Variants in MED30 observed in about 807,000 individuals in gnomAD.
MED30 encodes mediator complex subunit 30.
In MED30, 8 loss-of-function variants were observed where a neutral mutation model predicts 21.7. The observed-to-expected ratio is 0.37, with a 90% CI of 0.22 to 0.67. The LOEUF is 0.67. Among genes scored for constraint, MED30 ranks in the 30% least tolerant of loss-of-function variants. The pLI, the probability that MED30 is intolerant of heterozygous loss-of-function variation, is 0.58. For synonymous variants in MED30, 79 were observed against 86.7 expected, an observed-to-expected ratio of 0.91 and a Z score of 0.49; for missense variants, 203 against 228.2, an observed-to-expected ratio of 0.89 and a Z score of 0.71.
At chr8:117,525,486 G>A (rs201810195) in intron 1 of MED30, among the ~76,000 whole-genome samples, 1 of 151,178 alleles carries the variant, frequency 6.6e-6, no homozygotes, top group South Asian at 2.1e-4. Flanking sequence ...TGGTAGTTTT[G>A]CCATGCATTT....
In MED30 at chr8:117,521,310, C is replaced by G. The variant is rs564809261; in HGVS notation, c.177+257C>G. Among the ~76,000 whole-genome samples, 8 of 152,176 alleles carry G rather than the reference C, an allele frequency of 5.3e-5. 1 individual carries two copies. The South Asian group carries it at 1.7e-3, about 32-fold the overall frequency. On this transcript the variant is annotated intron_variant, in intron 1 of 3. Transcript: ENST00000297347. ...GAGCTCTTTAGTTACTCTGTAAACT[C>G]TTGCACCTTTCAAGGCAGAGATGGG...
At chr8:117,532,841 A>G (rs1818809963) in intron 3 of MED30, among the ~76,000 whole-genome samples, 1 of 152,024 alleles carries the variant, frequency 6.6e-6, no homozygotes, top group African/African-American at 2.4e-5. Flanking sequence ...GGAGAATGGG[A>G]ACTTTTAGTT....
rs537135384 is a variant in MED30, at chr8:117,528,827, A to G, written c.336+18A>G. The G allele has an allele frequency of 2.0e-5, 32 of 1,579,924 alleles. No individual in the cohort carries two copies. Among genetic ancestry groups the G allele is most frequent in the Middle Eastern group, 1.7e-4 (1 of 5,902 alleles). ...CAGTCGAGGTAATTTTTTGTGATAG[A>G]GGGAGGATGAATATAAGGTGTGAAC... On this transcript the variant is annotated intron_variant, in intron 2 of 3. Coordinates refer to ENST00000297347, the MANE Select transcript of MED30 (RefSeq NM_080651.4).
At chr8:117,534,868 T>TTTTTTTTA (rs1554634554) in intron 3 of MED30, among the ~76,000 whole-genome samples, 10 of 150,088 alleles carry the variant, frequency 6.7e-5, no homozygotes, top group Non-Finnish European at 1.2e-4. Flanking sequence ...TTTTTTTTTT[T>TTTTTTTTA]ACCAAAAGGG....
intron 3 of MED30, among the ~76,000 whole-genome samples, chr8:117,534,514 G>A (rs1025747381): frequency 1.4e-5 from 2 of 143,310 alleles, no homozygotes; most frequent in Non-Finnish European, 3.2e-5. Context: ...TAGTTAACGT[G>A]ATATCAAACT....
chr8:117,524,612 T>G (rs1212922812), intron 1 of MED30, among the ~76,000 whole-genome samples: 3 of 152,184 alleles, frequency 2.0e-5, no homozygotes, highest in African/African-American at 7.2e-5. Flanking sequence ...GAATCTTTAA[T>G]TTTTAAAATA....
intron 3 of MED30, among the ~76,000 whole-genome samples, chr8:117,534,862 T>TTTTTTTA (rs1262255002): frequency 6.6e-6 from 1 of 151,144 alleles, no homozygotes; most frequent in Non-Finnish European, 1.5e-5. Flanking sequence ...TTTTTTTTTT[T>TTTTTTTA]TTTTTTACCA....
At chr8:117,525,827 G>T (rs1480514776) in intron 1 of MED30, among the ~76,000 whole-genome samples, 1 of 151,968 alleles carries the variant, frequency 6.6e-6, no homozygotes, top group African/African-American at 2.4e-5. Flanking sequence ...CTTTTAATTT[G>T]TCAGGATCTA....
Position 117,536,265 on chromosome 8 carries a change from T to C in MED30, c.442-3618T>C, listed in dbSNP as rs747302719. ...TACCCATTTCATGTTTTGATGAATA[T>C]TTACAGAAACAAAAGTATTGTGCCA... is the stretch of plus-strand genomic sequence containing the variant. On this transcript the variant is annotated intron_variant, in intron 3 of 3. Coordinates refer to ENST00000297347, the MANE Select transcript of MED30 (RefSeq NM_080651.4). 1.2e-4 allele frequency among the ~76,000 whole-genome samples: 19 copies of C among 152,304 alleles called. No homozygotes were observed. The Middle Eastern group carries it at 0.024, about 191-fold the overall frequency.
In MED30 at chr8:117,528,714, A is replaced by G. The variant is rs775715602; in HGVS notation, c.241A>G (p.Asn81Asp). The change falls in exon 2 of 4, where the codon AAT becomes GAT. Residue 81 changes from asparagine to aspartate, a missense_variant. Physicochemically the swap from Asn to Asp is conservative, Grantham distance 23. Transcript: ENST00000297347. ...AGACCGGTTAACAAAGCTACAGGATAATCTTCGCCAACTTTCAGTTCTCTT... is the reference window on the plus strand; with the variant it reads ...AGACCGGTTAACAAAGCTACAGGATGATCTTCGCCAACTTTCAGTTCTCTT... ...YQDRLTKLQD[N>D]LRQLSVLFRK... 6.2e-7 allele frequency: 1 copy of G among 1,611,488 alleles called. No individual in the cohort carries two copies. Among genetic ancestry groups the G allele is most frequent in the Non-Finnish European group, 8.5e-7 (1 of 1,178,564 alleles).
chr8:117,533,658 G>A (rs1818822485), intron 3 of MED30, among the ~76,000 whole-genome samples: 1 of 151,914 alleles, frequency 6.6e-6, no homozygotes, highest in African/African-American at 2.4e-5. Context: ...AGTTTTTTAT[G>A]CATCTATGAC....
intron 2 of MED30, among the ~76,000 whole-genome samples, chr8:117,529,120 A>G (rs1021880094): frequency 1.3e-5 from 2 of 151,834 alleles, no homozygotes; most frequent in Non-Finnish European, 2.9e-5. Flanking sequence ...GGATATTTTT[A>G]GTAGGAATTT....
At chr8:117,522,819 G>A (rs1818651473) in intron 1 of MED30, among the ~76,000 whole-genome samples, 1 of 152,006 alleles carries the variant, frequency 6.6e-6, no homozygotes, top group Non-Finnish European at 1.5e-5. Flanking sequence ...ATAAAGTACG[G>A]ATTAAATAAT....
intron 1 of MED30, among the ~76,000 whole-genome samples, chr8:117,521,740 C>T (rs1818626152): frequency 6.6e-6 from 1 of 151,994 alleles, no homozygotes; most frequent in South Asian, 2.1e-4. Context: ...ACTAAGAATG[C>T]ATCAATAATT....
rs375857849 is a variant in MED30, at chr8:117,528,806, C to A, written c.333C>A (p.Val111=). The A allele has an allele frequency of 3.0e-5, 47 of 1,593,062 alleles. No individual in the cohort carries two copies. The highest frequency in any genetic ancestry group is 3.5e-5 in the Non-Finnish European group (41 of 1,171,188). Residue 111 remains valine, a synonymous_variant, in exon 2 of 4, where the codon GTC becomes GTA. Coordinates refer to ENST00000297347, the MANE Select transcript of MED30 (RefSeq NM_080651.4). ...GTGGTGGGATGGATCCCATTCCAGTCGAGGTAATTTTTTGTGATAGAGGGA... is the reference window on the plus strand; with the variant it reads ...GTGGTGGGATGGATCCCATTCCAGTAGAGGTAATTTTTTGTGATAGAGGGA... The part of the protein sequence containing the change: ...ENCGGMDPIP[V]EQLIPYVEED...
intron 1 of MED30, among the ~76,000 whole-genome samples, chr8:117,521,712 T>C (rs1194615641): frequency 6.6e-6 from 1 of 152,202 alleles, no homozygotes; most frequent in Admixed American, 6.5e-5. Flanking sequence ...GGGCTTTTTT[T>C]TTTGTCTGAG....
At chr8:117,536,704 GT>G (rs796752682) in intron 3 of MED30, among the ~76,000 whole-genome samples, 2 of 152,244 alleles carry the variant, frequency 1.3e-5, no homozygotes, top group African/African-American at 4.8e-5. Context: ...CAAATTCGTG[GT>G]TTATTTAAAT....
Position 117,526,727 on chromosome 8 carries a change from T to TG in MED30, c.178-1923dup, listed in dbSNP as rs1471245374. ...TGCTCTATCCTAGCTTCTAGAACAGTGCTGACACATGAAACGTGTGTGGTA... is the reference window on the plus strand; with the variant it reads ...TGCTCTATCCTAGCTTCTAGAACAGTGGCTGACACATGAAACGTGTGTGGTA... On this transcript the variant is annotated intron_variant, in intron 1 of 3. Transcript: ENST00000297347. Among the ~76,000 whole-genome samples, 225 of 152,132 alleles carry TG rather than the reference T, an allele frequency of 1.5e-3. 2 individuals are homozygous for TG. Among genetic ancestry groups the TG allele is most frequent in the Non-Finnish European group, 1.9e-4 (13 of 67,876 alleles).
Position 117,533,188 on chromosome 8 carries a change from TTAAG to T in MED30, c.441+2363_441+2366del, listed in dbSNP as rs545096091. Among the ~76,000 whole-genome samples, 113 of 152,224 alleles carry T rather than the reference TTAAG, an allele frequency of 7.4e-4. 3 individuals carry two copies. The Middle Eastern group carries it at 0.017, about 23-fold the overall frequency. ...TATTTACATTTCTCTTCAATTTTCA[TTAAG>T]TTTCTCTTTTTTCCCAATTTGATAA... On this transcript the variant is annotated intron_variant, in intron 3 of 3. Coordinates refer to ENST00000297347, the MANE Select transcript of MED30 (RefSeq NM_080651.4).
Sources: allele counts gnomAD v4.1 joint callset (sites outside exome capture counted in the v4.1 genomes callset), GRCh38; gene constraint gnomAD v4.1.1; transcripts MANE v1.5; gene names NCBI Gene and HGNC (gene_info 2026-07-23, HGNC 2026-07-21).